PKHD1: variants seen among roughly 807,000 people sequenced by gnomAD.
PKHD1 encodes the protein PKHD1 ciliary IPT domain containing fibrocystin/polyductin.
A neutral mutation model predicts 412.0 loss-of-function variants in PKHD1; 291 were observed. That is an observed-to-expected ratio of 0.71 (90% CI 0.64 to 0.78). The LOEUF (loss-of-function observed/expected upper bound fraction) is 0.78. PKHD1 is among the 30% of genes least tolerant of loss of function. The probability of loss-of-function intolerance (pLI) is 0.00; values close to 1 mark genes in which losing one functional copy is unlikely to be tolerated. For missense variants in PKHD1, 4,825 were observed against 4,950.7 expected (o/e 0.97, Z 0.76); for synonymous variants, 1,777 against 1,821.5 (o/e 0.98, Z 0.62).
intron 65 of PKHD1, 123 bp downstream of exon 65, chr6:51,632,442 T>A: frequency 1.3e-6 from 1 of 779,522 alleles, no homozygotes; most frequent in Non-Finnish European, 2.1e-6. Context: ...TTGTGTAATT[T>A]TATATTTTAG....
chr6:51,764,223 A>G (rs1195761363), intron 55 of PKHD1, among the ~76,000 whole-genome samples: 1 of 150,894 alleles, frequency 6.6e-6, no homozygotes, highest in African/African-American at 2.4e-5. Context: ...ACAAGAAAAA[A>G]ATAAACAACC....
intron 57 of PKHD1, among the ~76,000 whole-genome samples, chr6:51,750,014 T>C (rs966900992): frequency 1.3e-5 from 2 of 152,194 alleles, no homozygotes; most frequent in Non-Finnish European, 2.9e-5. Context: ...ATAGTATTAA[T>C]AGTATTTAAG....
At chr6:51,672,948 G>C (rs1286760498) in intron 60 of PKHD1, among the ~76,000 whole-genome samples, 1 of 152,182 alleles carries the variant, frequency 6.6e-6, no homozygotes, top group Admixed American at 6.5e-5. Flanking sequence ...GTAAGGTACT[G>C]TGGGGGAAAA....
At chr6:51,721,246 T>C in intron 60 of PKHD1, 2 of 948,908 alleles carry the variant, frequency 2.1e-6, no homozygotes, top group Non-Finnish European at 2.5e-6. Context: ...TGGGTTATCT[T>C]TACCACACCA....
chr6:52,071,447 CTA>C (rs1284163749), intron 8 of PKHD1, among the ~76,000 whole-genome samples: 1 of 151,782 alleles, frequency 6.6e-6, no homozygotes, highest in African/African-American at 2.4e-5. Flanking sequence ...ACAAGGAAGA[CTA>C]CACACAAGGG....
At chr6:51,782,746 A>AT (rs1792234868) in intron 53 of PKHD1, among the ~76,000 whole-genome samples, 1 of 152,056 alleles carries the variant, frequency 6.6e-6, no homozygotes, top group Non-Finnish European at 1.5e-5. Flanking sequence ...AACTTTGTAT[A>AT]TTTTTTTAAA....
intron 27 of PKHD1, among the ~76,000 whole-genome samples, chr6:52,037,807 T>C (rs1804186735): frequency 6.6e-6 from 1 of 152,216 alleles, no homozygotes; most frequent in Non-Finnish European, 1.5e-5. Flanking sequence ...AAATAACCTC[T>C]TGACCCAGCA....
chr6:52,080,119 C>A, intron 4 of PKHD1, 111 bp from the exon 5 acceptor site: 1 of 727,794 alleles, frequency 1.4e-6, no homozygotes, highest in Non-Finnish European at 2.5e-6. Flanking sequence ...CAGAGCTAAC[C>A]AAGGATTCCC....
At chr6:51,790,329 T>C (rs1793548817) in intron 53 of PKHD1, among the ~76,000 whole-genome samples, 1 of 152,162 alleles carries the variant, frequency 6.6e-6, no homozygotes, top group Admixed American at 6.6e-5. Flanking sequence ...TCTAAGTATA[T>C]AGTCTACCCA....
In PKHD1 at chr6:51,659,874, C is replaced by T. The variant is rs776589273; in HGVS notation, c.10252G>A (p.Ala3418Thr). The T allele has an allele frequency of 4.8e-5, 77 of 1,613,244 alleles. No homozygotes were observed. The highest frequency in any genetic ancestry group is 1.6e-4 in the Middle Eastern group (1 of 6,076). The change falls in exon 61 of 67, where the codon GCT becomes ACT. Residue 3418 changes from alanine to threonine, a missense_variant. Coordinates refer to ENST00000371117, the MANE Select transcript of PKHD1 (RefSeq NM_138694.4). ...TDQVVLILDS[A>T]DAIWAIQKLY... ...TTCTGAATTGCCCAAATGGCATCAG[C>T]GCTATCAAGAATTAGGACCACTTGG...
intron 43 of PKHD1, among the ~76,000 whole-genome samples, chr6:51,891,521 C>G (rs544103175): frequency 2.5e-4 from 38 of 152,174 alleles, no homozygotes; most frequent in African/African-American, 8.9e-4. Context: ...TCAGGTGATC[C>G]GCCCACCTTG....
chr6:52,085,682 C>T (rs1265686850), intron 1 of PKHD1, among the ~76,000 whole-genome samples: 4 of 152,176 alleles, frequency 2.6e-5, no homozygotes, highest in Non-Finnish European at 5.9e-5. Context: ...TTCTTCCAGA[C>T]GGCACGTTCC....
At chr6:51,963,716 A>G (rs1040482835) in intron 35 of PKHD1, among the ~76,000 whole-genome samples, 1 of 151,834 alleles carries the variant, frequency 6.6e-6, no homozygotes, top group African/African-American at 2.4e-5. Context: ...TGTCACTTTG[A>G]TCCAATCAAG....
intron 11 of PKHD1, among the ~76,000 whole-genome samples, chr6:52,067,161 G>A (rs188439035): frequency 1.6e-3 from 238 of 152,320 alleles, no homozygotes; most frequent in Admixed American, 3.7e-3. Context: ...AGACAAAGCA[G>A]AGGAGACATA....
At chr6:51,682,062 GT>G (rs1444659141) in intron 60 of PKHD1, 10 of 214,942 alleles carry the variant, frequency 4.7e-5, no homozygotes, top group Non-Finnish European at 7.8e-5. Context: ...AGCCTTTGTT[GT>G]TTTAAGCTGT....
At chr6:52,068,379 T>C (rs1231428599) in intron 11 of PKHD1, among the ~76,000 whole-genome samples, 3 of 152,298 alleles carry the variant, frequency 2.0e-5, no homozygotes, top group Middle Eastern at 3.4e-3. Context: ...TCATCAGAGA[T>C]ACCTGTCAGC....
rs187472348 is a variant in PKHD1 at position 51,741,361 on chromosome 6, T to A, written c.10156+3024A>T. On this transcript the variant is annotated intron_variant, in intron 60 of 66. Coordinates refer to ENST00000371117, the MANE Select transcript of PKHD1 (RefSeq NM_138694.4). The stretch of plus-strand genomic sequence containing the variant: ...ATGACTTCCTTCTGAAAAAGCTTTT[T>A]TTCTTTTGATAATTTTGGTATCAAT... Among the ~76,000 whole-genome samples the A allele has an allele frequency of 5.7e-4, 87 of 152,324 alleles. 1 individual carries two copies. Among genetic ancestry groups the A allele is most frequent in the South Asian group, 1.0e-3 (5 of 4,822 alleles).
chr6:51,623,151 T>G (rs1766836983), intron 66 of PKHD1, among the ~76,000 whole-genome samples: 1 of 152,194 alleles, frequency 6.6e-6, no homozygotes, highest in Admixed American at 6.5e-5. Flanking sequence ...GAATCCATCT[T>G]ATGCTATTCA....
chr6:51,828,730 G>A (rs1332320470), intron 52 of PKHD1, among the ~76,000 whole-genome samples: 1 of 151,998 alleles, frequency 6.6e-6, no homozygotes, highest in Non-Finnish European at 1.5e-5. Flanking sequence ...AACAAGGGGA[G>A]CCAGGAAAAG....
Sources: gnomAD v4.1 joint callset for allele counts (sites outside exome capture counted in the v4.1 genomes callset) on GRCh38, gnomAD v4.1.1 for gene constraint, MANE v1.5 for transcripts, NCBI Gene and HGNC (gene_info 2026-07-23, HGNC 2026-07-21) for gene names.